The following MACROD2 variants were observed in gnomAD, a reference collection of about 807,000 sequenced individuals.
MACROD2 encodes mono-ADP ribosylhydrolase 2.
Under a neutral mutation model 70.4 loss-of-function variants are expected in MACROD2, and 36 were observed. The observed-to-expected ratio is 0.51, with a 90% confidence interval of 0.39 to 0.68. The LOEUF is 0.68. Among genes scored for constraint, MACROD2 ranks in the 30% least tolerant of loss-of-function variants. The probability of loss-of-function intolerance (pLI) is 0.00; values close to 1 mark genes in which losing one functional copy is unlikely to be tolerated. For synonymous variants in MACROD2, 172 were observed against 178.8 expected (o/e 0.96, Z 0.30); for missense variants, 496 against 538.4 (o/e 0.92, Z 0.78).
At chr20:15,633,306 C>T (rs946184962) in intron 8 of MACROD2, among the ~76,000 whole-genome samples, 1 of 152,066 alleles carries the variant, frequency 6.6e-6, no homozygotes, top group African/African-American at 2.4e-5. Context: ...TTGCTGTATT[C>T]TTAAAACTGG....
chr20:14,390,568 A>G (rs117707828), intron 3 of MACROD2, among the ~76,000 whole-genome samples: 119 of 152,320 alleles, frequency 7.8e-4, no homozygotes, highest in Non-Finnish European at 1.4e-3. Context: ...GGAACGGAAT[A>G]GAGAACCCAG....
chr20:15,440,771 C>A (rs1315618493), intron 7 of MACROD2, among the ~76,000 whole-genome samples: 2 of 152,156 alleles, frequency 1.3e-5, no homozygotes, highest in Non-Finnish European at 1.5e-5. Context: ...TGCACCCCTT[C>A]CTTTTATCAC....
chr20:15,866,389 C>T (rs553600202), intron 9 of MACROD2, among the ~76,000 whole-genome samples: 47 of 151,514 alleles, frequency 3.1e-4, no homozygotes, highest in Non-Finnish European at 6.0e-4. Context: ...AAGCAAGACC[C>T]CATCTCTAAA....
At chr20:15,381,339 C>T (rs1051708998) in intron 6 of MACROD2, among the ~76,000 whole-genome samples, 4 of 151,732 alleles carry the variant, frequency 2.6e-5, no homozygotes, top group Non-Finnish European at 5.9e-5. Flanking sequence ...CTAAGGCCAC[C>T]GAGAGAGCAC....
intron 10 of MACROD2, among the ~76,000 whole-genome samples, chr20:15,902,485 A>G (rs747720064): frequency 2.0e-5 from 3 of 152,128 alleles, no homozygotes; most frequent in African/African-American, 7.2e-5. Context: ...TAAAGCTTCA[A>G]CCAACGATAA....
chr20:14,898,712 C>T (rs1403043839), intron 5 of MACROD2, among the ~76,000 whole-genome samples: 4 of 152,186 alleles, frequency 2.6e-5, no homozygotes, highest in African/African-American at 7.2e-5. Flanking sequence ...CAGATAATGT[C>T]TCAACTGTCC....
chr20:14,373,767 A>G (rs2083347681), intron 3 of MACROD2, among the ~76,000 whole-genome samples: 1 of 152,204 alleles, frequency 6.6e-6, no homozygotes, highest in Admixed American at 6.6e-5. Context: ...ACCTAAATAC[A>G]GGAGGTGCTC....
chr20:15,850,774 C>T (rs1481239848), intron 8 of MACROD2, among the ~76,000 whole-genome samples: 1 of 152,166 alleles, frequency 6.6e-6, no homozygotes. Flanking sequence ...TTGAGAGACA[C>T]GTTTCCCAAT....
At chr20:16,039,312 T>C (rs1465587892) in intron 15 of MACROD2, among the ~76,000 whole-genome samples, 1 of 152,006 alleles carries the variant, frequency 6.6e-6, no homozygotes, top group African/African-American at 2.4e-5. Context: ...GTTAGCAAAG[T>C]AAATTACCTT....
intron 3 of MACROD2, among the ~76,000 whole-genome samples, chr20:14,175,006 C>G (rs1458688264): frequency 6.6e-6 from 1 of 152,196 alleles, no homozygotes; most frequent in African/African-American, 2.4e-5. Context: ...TTCACACTTT[C>G]ACACTCTGGG....
At chr20:14,650,915 G>T (rs936780651) in intron 4 of MACROD2, among the ~76,000 whole-genome samples, 2 of 152,148 alleles carry the variant, frequency 1.3e-5, no homozygotes, top group African/African-American at 4.8e-5. Flanking sequence ...GGATAGTTAA[G>T]TTGCAAGCAC....
intron 5 of MACROD2, among the ~76,000 whole-genome samples, chr20:14,829,500 A>G (rs984736671): frequency 1.3e-5 from 2 of 152,064 alleles, no homozygotes; most frequent in African/African-American, 4.8e-5. Flanking sequence ...AGGCAGCTCA[A>G]CACTACTCAT....
rs569760164 is a variant in MACROD2, at chr20:16,002,628, C to T, written c.1153+15470C>T. ...AGGAATACAGGTGGCCTCTAGAAAC[C>T]GTAGTAGGTAATCAAACAGATTTTT... On this transcript the variant is annotated intron_variant, in intron 15 of 17. Transcript: ENST00000684519. Among the ~76,000 whole-genome samples the T allele has an allele frequency of 1.9e-4, 29 of 152,198 alleles. 1 individual carries two copies. In the Middle Eastern group the frequency reaches 0.01, roughly 54 times the overall value.
chr20:15,000,433 C>T (rs1426220591), intron 5 of MACROD2, among the ~76,000 whole-genome samples: 1 of 130,242 alleles, frequency 7.7e-6, no homozygotes, highest in Non-Finnish European at 1.6e-5. Flanking sequence ...ACCATCCTGG[C>T]TAACACGGTG....
chr20:14,141,692 C>A (rs2054875780), intron 3 of MACROD2, among the ~76,000 whole-genome samples: 1 of 132,016 alleles, frequency 7.6e-6, no homozygotes, highest in Non-Finnish European at 1.5e-5. Context: ...TTGCAGGGAG[C>A]CGAGACTGAG....
At chr20:14,221,856 G>A (rs983428015) in intron 3 of MACROD2, among the ~76,000 whole-genome samples, 2 of 152,018 alleles carry the variant, frequency 1.3e-5, no homozygotes, top group Non-Finnish European at 2.9e-5. Context: ...ACATACAAAT[G>A]GACAACAAGC....
In MACROD2 at chr20:14,326,353, A is replaced by G; in HGVS notation, c.272-167126A>G. ...GTTCTTAATATCTGGCTGTTTGGTC[A>G]CTGGAGCTGGCCACTGTCCTTGGGC... On this transcript the variant is annotated intron_variant, in intron 3 of 17. Transcript: ENST00000684519. This position sits in a 1 kb window ranked among gnomAD's most constrained non-coding sequence, Gnocchi z 5.5. 2 of 1,613,910 alleles carry G rather than the reference A, an allele frequency of 1.2e-6. No individual in the cohort carries two copies. Among genetic ancestry groups the G allele is most frequent in the Non-Finnish European group, 1.7e-6 (2 of 1,179,874 alleles).
chr20:14,718,620 G>T (rs1412806025), intron 5 of MACROD2, among the ~76,000 whole-genome samples: 1 of 152,096 alleles, frequency 6.6e-6, no homozygotes, highest in East Asian at 1.9e-4. Context: ...CACAGATCAT[G>T]GTTGCCTGGA....
chr20:15,638,904 T>C (rs1362508), intron 8 of MACROD2, among the ~76,000 whole-genome samples: 108,190 of 151,560 alleles, frequency 0.71, 40,359 homozygotes, highest in Non-Finnish European at 0.84. Flanking sequence ...AGAGTTGAAA[T>C]ATTCAGGTCC....
Sources: allele counts gnomAD v4.1 joint callset (sites outside exome capture counted in the v4.1 genomes callset), GRCh38; gene constraint gnomAD v4.1.1; non-coding constraint Gnocchi (gnomAD v3.1); transcripts MANE v1.5; gene names NCBI Gene and HGNC (gene_info 2026-07-23, HGNC 2026-07-21).